RUBCN: variants seen among roughly 807,000 people sequenced by gnomAD.
The protein encoded by RUBCN is run domain Beclin-1-interacting and cysteine-rich domain-containing protein.
RUBCN carries 74 observed loss-of-function variants against 113.2 expected under a neutral mutation model. The ratio of observed to expected loss-of-function variants is 0.65; its 90% confidence interval spans 0.54 to 0.79. The LOEUF (loss-of-function observed/expected upper bound fraction) is 0.79, where lower values mean the gene tolerates loss of function less well. Ranked by LOEUF, RUBCN falls within the 30% of genes least tolerant of loss-of-function variation. The pLI is 0.00. For synonymous variants in RUBCN, 480 were observed against 490.0 expected (o/e 0.98, Z 0.27); for missense variants, 1,109 against 1,251.7 (o/e 0.89, Z 1.72).
At chr3:197,748,110 T>A (rs534147190) in intron 1 of RUBCN, 10 of 151,942 alleles carry the variant, frequency 6.6e-5, no homozygotes, top group South Asian at 4.2e-4. Context: ...TTTTTTATTT[T>A]TTTATTTATT....
chr3:197,721,626 C>A (rs1010571434), intron 1 of RUBCN, among the ~76,000 whole-genome samples: 6 of 151,192 alleles, frequency 4.0e-5, no homozygotes, highest in Non-Finnish European at 4.4e-5. Flanking sequence ...TATTTCTTTC[C>A]TTCTACTAAT....
At chr3:197,707,034 T>C (rs1724378031) in intron 2 of RUBCN, among the ~76,000 whole-genome samples, 1 of 142,910 alleles carries the variant, frequency 7.0e-6, no homozygotes, top group Non-Finnish European at 1.5e-5. Flanking sequence ...GGTTACATCA[T>C]TTTTAAGTGA....
At chr3:197,692,165 C>T (rs997160810) in intron 11 of RUBCN, among the ~76,000 whole-genome samples, 1 of 151,908 alleles carries the variant, frequency 6.6e-6, no homozygotes, top group Non-Finnish European at 1.5e-5. Flanking sequence ...CACCAGTGGC[C>T]GATGACTTAA....
At chr3:197,723,041 TTG>T (rs1726343142) in intron 1 of RUBCN, among the ~76,000 whole-genome samples, 1 of 152,188 alleles carries the variant, frequency 6.6e-6, no homozygotes. Flanking sequence ...CTGTCTTCTG[TTG>T]TGGCACTTGA....
Position 197,736,746 on chromosome 3 carries a change from C to G in RUBCN, c.-27G>C, listed in dbSNP as rs113152465. ...CGGGGCGGTGAGGCCGCCTCTTCGC[C>G]CAAGAGAGGCGTCCCTGCCGCTTCG... is the stretch of plus-strand genomic sequence containing the variant. On this transcript the variant is annotated 5_prime_UTR_variant, in exon 1 of 20. Transcript: ENST00000296343. 3.4e-5 allele frequency: 52 copies of G among 1,527,830 alleles called. No homozygotes were observed. In the African/African-American group the frequency reaches 6.5e-4, roughly 19 times the overall value. The allele number at this position is 1,527,830 out of a possible 1,614,324, so 94.6% of individuals were successfully genotyped here. A position where few individuals can be genotyped will look rare whatever the true frequency, so the allele number is the denominator to read the frequency against.
At chr3:197,701,223 C>T in intron 6 of RUBCN, 77 bp from the exon 7 acceptor site, 1 of 1,287,248 alleles carries the variant, frequency 7.8e-7, no homozygotes, top group Middle Eastern at 2.5e-4. Context: ...ACTGGGTGAC[C>T]AGGACATACG....
chr3:197,728,889 CAAG>C (rs1050860738), intron 1 of RUBCN, among the ~76,000 whole-genome samples: 2 of 152,124 alleles, frequency 1.3e-5, no homozygotes, highest in African/African-American at 4.8e-5. Context: ...TGTAGAAAAG[CAAG>C]AATGAGAATG....
chr3:197,731,115 G>A (rs554093911), intron 1 of RUBCN, among the ~76,000 whole-genome samples: 1 of 151,640 alleles, frequency 6.6e-6, no homozygotes, highest in African/African-American at 2.4e-5. Flanking sequence ...AAAGGTCTCC[G>A]GTTTTCCTAG....
chr3:197,690,441 A>G (rs1354256456), intron 11 of RUBCN, among the ~76,000 whole-genome samples: 1 of 152,246 alleles, frequency 6.6e-6, no homozygotes, highest in Non-Finnish European at 1.5e-5. Flanking sequence ...TCCGTCTCAA[A>G]AAAAATACAA....
At chr3:197,722,084 C>CA (rs1251559465) in intron 1 of RUBCN, among the ~76,000 whole-genome samples, 2 of 150,398 alleles carry the variant, frequency 1.3e-5, no homozygotes, top group Non-Finnish European at 3.0e-5. Context: ...ACTAAAAATA[C>CA]AAAAAAAAAT....
In RUBCN at chr3:197,672,648, C is replaced by G. The variant is rs1482576517; in HGVS notation, c.*2370G>C. On this transcript the variant is annotated 3_prime_UTR_variant, in exon 20 of 20. Transcript: ENST00000296343. ...ATGTGAAACAGGCAGGACAAGACGGCACATCTGTCCTCCAGCGCAGTGACC... is the reference window on the plus strand; with the variant it reads ...ATGTGAAACAGGCAGGACAAGACGGGACATCTGTCCTCCAGCGCAGTGACC... 6.6e-6 allele frequency: 1 copy of G among 152,248 alleles called. No individual in the cohort carries two copies. Among genetic ancestry groups the G allele is most frequent in the African/African-American group, 2.4e-5 (1 of 41,454 alleles). The allele number at this position is 152,248 out of a possible 1,614,324, so 9.4% of individuals were successfully genotyped here.
chr3:197,717,973 A>C lies in RUBCN; in HGVS notation c.219+4T>G. 6.2e-7 allele frequency: 1 copy of C among 1,613,586 alleles called. No individual in the cohort carries two copies. ...AATCTGGCAAAAAAAGGAGTTCTGC[A>C]TACCTGGTCACGGATAAGCCCGTGA... On this transcript the variant is annotated splice_donor_region_variant and intron_variant, in intron 2 of 19. Transcript: ENST00000296343.
chr3:197,690,789 T>G (rs1200893402), intron 11 of RUBCN, among the ~76,000 whole-genome samples: 1 of 152,226 alleles, frequency 6.6e-6, no homozygotes, highest in Non-Finnish European at 1.5e-5. Context: ...ACTACCTCCA[T>G]CAGTCACAAT....
rs1230583204 is a variant in RUBCN, at chr3:197,718,059, T to C, written c.137A>G (p.Asn46Ser). 5 of 1,614,208 alleles carry C rather than the reference T, an allele frequency of 3.1e-6. No individual in the cohort carries two copies. In the South Asian group the frequency reaches 3.3e-5, roughly 11 times the overall value. The change falls in exon 2 of 20, where the codon AAC becomes AGC. Residue 46 changes from asparagine (N) to serine (S), a missense_variant. By Grantham distance (46) the Asn-to-Ser change is conservative (BLOSUM62 1). Around this residue, in one of 3 missense-constraint regions of RUBCN, gnomAD observed 736 missense variants for 779.6 expected, o/e 0.94. Transcript: ENST00000296343. Reference sequence around the variant, plus strand: ...CAAGCCACCATACTTAGACCAGACGTTGGGGCTGTTGGTTGATACCAAACC... The same window carrying C: ...CAAGCCACCATACTTAGACCAGACGCTGGGGCTGTTGGTTGATACCAAACC... ...VEGLVSTNSPNVWSKYGGLER... is the reference protein window; with the variant it reads ...VEGLVSTNSPSVWSKYGGLER...
Position 197,694,173 on chromosome 3 carries a change from G to A in RUBCN, c.1684+202C>T, listed in dbSNP as rs562103002. 5 of 695,520 alleles carry A rather than the reference G, an allele frequency of 7.2e-6. No individual in the cohort carries two copies. In the South Asian group the frequency reaches 7.4e-5, roughly 10 times the overall value. The allele number at this position is 695,520 out of a possible 1,614,324, so 43.1% of individuals were successfully genotyped here. The stretch of plus-strand genomic sequence containing the variant: ...CCCAAAGTGCTGGGATTCCAGGCGT[G>A]AGCCACTCTGCCTGGCCTGGAAGGC... On this transcript the variant is annotated intron_variant, in intron 10 of 19. Transcript: ENST00000296343.
Position 197,681,787 on chromosome 3 carries a change from G to A in RUBCN, c.2191+48C>T, listed in dbSNP as rs766595182. ...GCCACCTCTCCCTACGTGTCGGGGAGGGTACAGAGCCTCTGGAGGCAGCAT... is the reference window on the plus strand; with the variant it reads ...GCCACCTCTCCCTACGTGTCGGGGAAGGTACAGAGCCTCTGGAGGCAGCAT... On this transcript the variant is annotated intron_variant, in intron 15 of 19. Coordinates refer to ENST00000296343, the MANE Select transcript of RUBCN (RefSeq NM_014687.4). This position sits in a 1 kb window ranked among gnomAD's most constrained non-coding sequence, Gnocchi z 5.5. The A allele has an allele frequency of 1.3e-6, 2 of 1,523,280 alleles. No homozygotes were observed. The highest frequency in any genetic ancestry group is 1.8e-6 in the Non-Finnish European group (2 of 1,097,204). 94.4% of individuals were successfully genotyped at this position (1,523,280 alleles called of 1,614,324 possible).
chr3:197,747,123 CTG>C (rs1393583303), intron 1 of RUBCN, among the ~76,000 whole-genome samples: 5 of 152,092 alleles, frequency 3.3e-5, no homozygotes, highest in Admixed American at 3.3e-4. Context: ...TTTATTTTTA[CTG>C]TGTGTGTCTC....
chr3:197,737,915 G>T (rs540966292), upstream of RUBCN, among the ~76,000 whole-genome samples: 16 of 152,196 alleles, frequency 1.1e-4, no homozygotes, highest in South Asian at 3.3e-3. Context: ...CAAAGACGGG[G>T]TCTCTCTCTG....
At chr3:197,684,602 CT>C (rs1721625178) in intron 11 of RUBCN, among the ~76,000 whole-genome samples, 1 of 151,808 alleles carries the variant, frequency 6.6e-6, no homozygotes, top group Admixed American at 6.6e-5. Flanking sequence ...ACATCTTAAC[CT>C]TTCTCAAATG....
Sources: allele counts gnomAD v4.1 joint callset (sites outside exome capture counted in the v4.1 genomes callset), GRCh38; gene constraint gnomAD v4.1.1; regional missense constraint gnomAD v4.1.1; non-coding constraint Gnocchi (gnomAD v3.1); transcripts MANE v1.5; gene names NCBI Gene and HGNC (gene_info 2026-07-23, HGNC 2026-07-21).